Variants in CELF4 observed in about 807,000 individuals in gnomAD.
The protein encoded by CELF4 is CUGBP Elav-like family member 4, also known as CUG-BP- and ETR-3-like factor 4.
In CELF4, 18 loss-of-function variants were observed where a neutral mutation model predicts 59.9. The observed-to-expected ratio is 0.30, with a 90% CI of 0.21 to 0.45. CELF4 has a LOEUF of 0.45. Ranked by LOEUF, CELF4 falls within the 20% of genes least tolerant of loss-of-function variation. The probability of loss-of-function intolerance (pLI) is 1.00; values close to 1 mark genes in which losing one functional copy is unlikely to be tolerated. For missense variants in CELF4, 456 were observed against 689.0 expected (o/e 0.66, Z 3.79); for synonymous variants, 261 against 267.1 (o/e 0.98, Z 0.22).
At chr18:37,400,778 G>A (rs182380321) in intron 2 of CELF4, among the ~76,000 whole-genome samples, 76 of 152,320 alleles carry the variant, frequency 5.0e-4, no homozygotes, top group African/African-American at 1.8e-3. Context: ...AATTTGACTG[G>A]TGTCTATTTT....
chr18:37,337,320 C>G (rs1016897647), intron 2 of CELF4, among the ~76,000 whole-genome samples: 2 of 152,158 alleles, frequency 1.3e-5, no homozygotes, highest in Non-Finnish European at 2.9e-5. Flanking sequence ...GAGATTCTCC[C>G]CATCTTCAGA....
chr18:37,335,539 G>A (rs1226299421), intron 2 of CELF4, among the ~76,000 whole-genome samples: 1 of 151,576 alleles, frequency 6.6e-6, no homozygotes, highest in East Asian at 1.9e-4. Context: ...ATGGGTGTAG[G>A]TATGGTGTGT....
At position 37,243,765 on chromosome 18, in the gene CELF4, G is replaced by A. The variant is rs1165796317; in HGVS notation, c.*1477C>T. On this transcript the variant is annotated 3_prime_UTR_variant, in exon 13 of 13. Transcript: ENST00000420428. ...CTCTCTTTTTTAAGGTTTTGTGTGT[G>A]TGTGTGTTGTCTAGTTGTTTTAAGA... 6.5e-6 allele frequency: 1 copy of A among 155,012 alleles called. No homozygotes were observed. Among genetic ancestry groups the A allele is most frequent in the Non-Finnish European group, 1.4e-5 (1 of 69,860 alleles). The allele number at this position is 155,012 out of a possible 1,614,324, so 9.6% of individuals were successfully genotyped here.
chr18:37,485,673 C>T, intron 1 of CELF4, 66 bp from the exon 2 acceptor site: 3 of 1,085,924 alleles, frequency 2.8e-6, no homozygotes, highest in Admixed American at 3.8e-5. Flanking sequence ...ACGCGCCCTG[C>T]CGCCCGCCCT....
intron 2 of CELF4, among the ~76,000 whole-genome samples, chr18:37,412,045 C>G (rs1211204937): frequency 6.6e-6 from 1 of 152,254 alleles, no homozygotes; most frequent in Non-Finnish European, 1.5e-5. Flanking sequence ...ATTTTCTTCC[C>G]TCCTTCATGC....
chr18:37,458,941 G>A (rs1008957096), intron 2 of CELF4, among the ~76,000 whole-genome samples: 1 of 152,214 alleles, frequency 6.6e-6, no homozygotes, highest in African/African-American at 2.4e-5. Context: ...AAGCTTGCAG[G>A]CTGAGCTCAT....
At chr18:37,552,017 T>C (rs1284072695) in intron 1 of CELF4, among the ~76,000 whole-genome samples, 8 of 152,204 alleles carry the variant, frequency 5.3e-5, no homozygotes, top group Admixed American at 5.2e-4. Context: ...CTCTCCAGCC[T>C]TCCTGCTCTG....
chr18:37,374,283 C>A (rs2098939115), intron 2 of CELF4, among the ~76,000 whole-genome samples: 1 of 152,226 alleles, frequency 6.6e-6, no homozygotes, highest in South Asian at 2.1e-4. Flanking sequence ...AGCCCTGCAC[C>A]CAGCGAGTTT....
At chr18:37,543,938 A>T (rs1425435840) in intron 1 of CELF4, among the ~76,000 whole-genome samples, 1 of 152,086 alleles carries the variant, frequency 6.6e-6, no homozygotes, top group African/African-American at 2.4e-5. Context: ...ATGGGGCTGC[A>T]GCAGTTAGAG....
At chr18:37,299,724 C>G (rs755938256) in intron 3 of CELF4, among the ~76,000 whole-genome samples, 1 of 152,222 alleles carries the variant, frequency 6.6e-6, no homozygotes, top group Non-Finnish European at 1.5e-5. Flanking sequence ...TCTGTTTTCT[C>G]AAATGTGTTT....
chr18:37,517,441 C>T (rs940624094), intron 1 of CELF4, among the ~76,000 whole-genome samples: 1 of 152,048 alleles, frequency 6.6e-6, no homozygotes, highest in Non-Finnish European at 1.5e-5. Flanking sequence ...AGCTGTCTGT[C>T]GGTGCTGAGC....
chr18:37,293,519 T>A (rs2095469115), intron 3 of CELF4, among the ~76,000 whole-genome samples: 1 of 152,188 alleles, frequency 6.6e-6, no homozygotes, highest in Non-Finnish European at 1.5e-5. Flanking sequence ...TTTAACTTGA[T>A]TACATTTGCA....
At position 37,353,826 on chromosome 18, in the gene CELF4, G is replaced by A. The variant is rs376843072; in HGVS notation, c.370-31945C>T. Among the ~76,000 whole-genome samples, 19 of 148,476 alleles carry A rather than the reference G, an allele frequency of 1.3e-4. No homozygotes were observed. The East Asian group carries it at 2.8e-3, about 22-fold the overall frequency. ...GGCTAGAGTGCAGTGGCGTGATCTC[G>A]GCTCACTGCCAGCTCCACCTCCTGG... is the stretch of plus-strand genomic sequence containing the variant. On this transcript the variant is annotated intron_variant, in intron 2 of 12. Coordinates refer to ENST00000420428, the MANE Select transcript of CELF4 (RefSeq NM_020180.4).
chr18:37,258,058 C>T (rs778263244), intron 11 of CELF4, among the ~76,000 whole-genome samples: 9 of 152,328 alleles, frequency 5.9e-5, no homozygotes, highest in South Asian at 2.1e-4. Flanking sequence ...CATACTTATA[C>T]TAAAAATGTA....
At chr18:37,308,771 G>A (rs527547694) in intron 3 of CELF4, among the ~76,000 whole-genome samples, 18 of 45,890 alleles carry the variant, frequency 3.9e-4, no homozygotes, top group African/African-American at 1.0e-3. Context: ...GATTTTCCCC[G>A]ATAAGGGTCC....
At chr18:37,472,401 G>C (rs1013509783) in intron 2 of CELF4, among the ~76,000 whole-genome samples, 6 of 152,268 alleles carry the variant, frequency 3.9e-5, no homozygotes, top group African/African-American at 1.4e-4. Flanking sequence ...TGGGCAGCCA[G>C]GGGCCGGGGA....
At chr18:37,252,099 G>A (rs1248866060) in intron 12 of CELF4, among the ~76,000 whole-genome samples, 2 of 152,144 alleles carry the variant, frequency 1.3e-5, no homozygotes, top group African/African-American at 2.4e-5. Context: ...GCTGGTATCT[G>A]TACCCCAGCA....
chr18:37,287,066 T>G (rs1324448008), intron 3 of CELF4, among the ~76,000 whole-genome samples: 3 of 152,110 alleles, frequency 2.0e-5, no homozygotes, highest in Non-Finnish European at 4.4e-5. Context: ...CAGAGGTCCT[T>G]AGCCCTGGCT....
At chr18:37,272,127 C>A (rs1417997707) in intron 7 of CELF4, among the ~76,000 whole-genome samples, 1 of 152,144 alleles carries the variant, frequency 6.6e-6, no homozygotes, top group Non-Finnish European at 1.5e-5. Context: ...CTGCTGTGGC[C>A]TGGGCACAGA....
Sources: gnomAD v4.1 joint callset for allele counts (sites outside exome capture counted in the v4.1 genomes callset) on GRCh38, gnomAD v4.1.1 for gene constraint, MANE v1.5 for transcripts, NCBI Gene and HGNC (gene_info 2026-07-23, HGNC 2026-07-21) for gene names.